GNG2: variants seen among roughly 807,000 people sequenced by gnomAD.
GNG2 encodes the protein guanine nucleotide-binding protein G(I)/G(S)/G(O) subunit gamma-2.
A neutral mutation model predicts 5.5 loss-of-function variants in GNG2; 5 were observed. The observed-to-expected ratio is 0.91, with a 90% confidence interval of 0.48 to 1.92. The LOEUF is 1.92. GNG2 is among the 30% of genes most tolerant of loss of function. GNG2 has a pLI of 0.01. For missense variants in GNG2, 55 were observed against 88.4 expected, an observed-to-expected ratio of 0.62 and a Z score of 1.52; for synonymous variants, 28 against 32.0, an observed-to-expected ratio of 0.88 and a Z score of 0.42.
intron 2 of GNG2, among the ~76,000 whole-genome samples, chr14:51,910,217 G>C (rs1886213187): frequency 6.6e-6 from 1 of 152,182 alleles, no homozygotes; most frequent in African/African-American, 2.4e-5. Flanking sequence ...AGATCTGCAG[G>C]ATGAATTTGA....
chr14:51,944,835 G>A (rs7158342), intron 2 of GNG2, among the ~76,000 whole-genome samples: 70,738 of 151,906 alleles, frequency 0.47, 16,692 homozygotes, highest in East Asian at 0.64. Flanking sequence ...ACAGTTCAAC[G>A]GAGTGAAAAG....
chr14:51,957,157 A>T (rs553144703), intron 3 of GNG2, among the ~76,000 whole-genome samples: 1 of 61,834 alleles, frequency 1.6e-5, no homozygotes, highest in African/African-American at 5.5e-5. Flanking sequence ...TGTGCAGTAG[A>T]TCCCACCTCT....
At chr14:51,890,782 A>G (rs75074223) in intron 2 of GNG2, among the ~76,000 whole-genome samples, 4,304 of 152,318 alleles carry the variant, frequency 0.028, 149 homozygotes, top group East Asian at 0.13. Context: ...GGGAATAAAA[A>G]TAAGTTTTTC....
In GNG2 at chr14:51,929,595, G is replaced by A. The variant is rs139807301; in HGVS notation, c.-29-21055G>A. Among the ~76,000 whole-genome samples the A allele has an allele frequency of 4.0e-3, 603 of 152,328 alleles. 9 individuals carry two copies. Among genetic ancestry groups the A allele is most frequent in the Admixed American group, 0.036 (555 of 15,304 alleles). On this transcript the variant is annotated intron_variant, in intron 2 of 3. Transcript: ENST00000556766. ...CCCAGAGCCAAAAGTGATTGGAGGT[G>A]GGTGGGGTTAATGAATAGACAAGTG...
intron 2 of GNG2, among the ~76,000 whole-genome samples, chr14:51,892,712 C>G (rs966534380): frequency 1.3e-5 from 2 of 152,160 alleles, no homozygotes; most frequent in Non-Finnish European, 2.9e-5. Context: ...CCCTTGCCTC[C>G]CTCCTCCCCC....
At chr14:51,946,530 G>C (rs990704285) in intron 2 of GNG2, among the ~76,000 whole-genome samples, 1 of 152,200 alleles carries the variant, frequency 6.6e-6, no homozygotes, top group South Asian at 2.1e-4. Flanking sequence ...ATCAAAATGT[G>C]TACAGTTTCA....
chr14:51,895,370 G>A (rs756550669), intron 2 of GNG2, among the ~76,000 whole-genome samples: 8 of 152,098 alleles, frequency 5.3e-5, no homozygotes, highest in South Asian at 2.1e-4. Context: ...AAATGTTAAC[G>A]AATCAACAAT....
chr14:51,869,224 A>G (rs1883137459), intron 1 of GNG2, among the ~76,000 whole-genome samples: 1 of 152,252 alleles, frequency 6.6e-6, no homozygotes, highest in African/African-American at 2.4e-5. Flanking sequence ...AATAAGGACA[A>G]TATTTTTCTA....
chr14:51,888,078 A>C (rs1375262179), intron 2 of GNG2, among the ~76,000 whole-genome samples: 2 of 152,178 alleles, frequency 1.3e-5, no homozygotes, highest in Non-Finnish European at 2.9e-5. Context: ...ACACCCATGA[A>C]ACCATCATCA....
At chr14:51,864,198 A>G (rs55980043) in intron 1 of GNG2, among the ~76,000 whole-genome samples, 14,844 of 152,214 alleles carry the variant, frequency 0.098, 1,021 homozygotes, top group Non-Finnish European at 0.15. Context: ...GTTTTTGATA[A>G]TAGCCATTTT....
chr14:51,900,788 G>A (rs1307817478), intron 2 of GNG2, among the ~76,000 whole-genome samples: 1 of 151,934 alleles, frequency 6.6e-6, no homozygotes, highest in Non-Finnish European at 1.5e-5. Flanking sequence ...GGATCTATTG[G>A]TCGTCTAATT....
intron 2 of GNG2, among the ~76,000 whole-genome samples, chr14:51,831,221 GT>G: frequency 6.6e-6 from 1 of 152,296 alleles, no homozygotes; most frequent in East Asian, 1.9e-4. Flanking sequence ...CCTCCTTTGT[GT>G]TAGCACATTC....
Position 51,967,241 on chromosome 14 carries a change from C to G in GNG2, c.*554C>G, listed in dbSNP as rs1182149736. 1 of 152,472 alleles carries G rather than the reference C, an allele frequency of 6.6e-6. No homozygotes were observed. 9.4% of individuals were successfully genotyped at this position (152,472 alleles called of 1,614,324 possible). A position where few individuals can be genotyped will look rare whatever the true frequency, so the allele number is the denominator to read the frequency against. The stretch of plus-strand genomic sequence containing the variant: ...TGGAGATAAGGCTGGACTGGTCTAT[C>G]AGATTGAACTCCAAGAATGATCACA... On this transcript the variant is annotated 3_prime_UTR_variant, in exon 4 of 4. Coordinates refer to ENST00000556766, the MANE Select transcript of GNG2 (RefSeq NM_053064.5).
rs1349533539 is a variant in GNG2, at chr14:51,968,249, C to G, written c.*1562C>G. 9.2e-5 allele frequency: 14 copies of G among 152,116 alleles called. No individual in the cohort carries two copies. Among genetic ancestry groups the G allele is most frequent in the Admixed American group, 9.2e-4 (14 of 15,274 alleles). 9.4% of individuals were successfully genotyped at this position (152,116 alleles called of 1,614,324 possible). A position where few individuals can be genotyped will look rare whatever the true frequency, so the allele number is the denominator to read the frequency against. ...TGATCACCTTTTTCTGTGTCATTTT[C>G]AGTCAAAGAGGGCCTCTCTTACATC... On this transcript the variant is annotated 3_prime_UTR_variant, in exon 4 of 4. Coordinates refer to ENST00000556766, the MANE Select transcript of GNG2 (RefSeq NM_053064.5).
intron 2 of GNG2, among the ~76,000 whole-genome samples, chr14:51,936,045 C>G (rs1036298249): frequency 6.6e-6 from 1 of 152,114 alleles, no homozygotes; most frequent in Non-Finnish European, 1.5e-5. Context: ...AAGCCCCATC[C>G]TGGAGAGTCC....
chr14:51,921,594 A>G (rs1373663212), intron 2 of GNG2, among the ~76,000 whole-genome samples: 1 of 152,216 alleles, frequency 6.6e-6, no homozygotes, highest in Non-Finnish European at 1.5e-5. Flanking sequence ...TCCTTGGGAC[A>G]CAGGCAGGTA....
chr14:51,845,336 A>G (rs761837482), intron 2 of GNG2, among the ~76,000 whole-genome samples: 65 of 152,206 alleles, frequency 4.3e-4, no homozygotes, highest in Admixed American at 7.8e-4. Flanking sequence ...ACAAAAAAAT[A>G]CCAAAATTAG....
At chr14:51,903,991 A>G (rs1246866071) in intron 2 of GNG2, among the ~76,000 whole-genome samples, 1 of 152,250 alleles carries the variant, frequency 6.6e-6, no homozygotes, top group Admixed American at 6.5e-5. Context: ...TTTACCATAG[A>G]AGGAATTTCT....
At chr14:51,843,779 C>T (rs980233567) in intron 2 of GNG2, among the ~76,000 whole-genome samples, 1 of 152,118 alleles carries the variant, frequency 6.6e-6, no homozygotes, top group Admixed American at 6.5e-5. Context: ...GGTATTTCCT[C>T]AATTAACCCC....
Sources: allele counts gnomAD v4.1 joint callset (sites outside exome capture counted in the v4.1 genomes callset), GRCh38; gene constraint gnomAD v4.1.1; transcripts MANE v1.5; gene names NCBI Gene and HGNC (gene_info 2026-07-23, HGNC 2026-07-21).